Variants in METAP1D observed in about 807,000 individuals in gnomAD.
METAP1D encodes methionine aminopeptidase 1D, mitochondrial.
Under a neutral mutation model 40.5 loss-of-function variants are expected in METAP1D, and 31 were observed. That is an observed-to-expected ratio of 0.77 (90% CI 0.58 to 1.03). The LOEUF (loss-of-function observed/expected upper bound fraction) is 1.03. Among genes scored for constraint, METAP1D ranks in the 50% least tolerant of loss-of-function variants. The pLI is 0.00. For missense variants in METAP1D, 411 were observed against 420.7 expected, an observed-to-expected ratio of 0.98 and a Z score of 0.20; for synonymous variants, 151 against 146.4, an observed-to-expected ratio of 1.03 and a Z score of -0.22.
intron 1 of METAP1D, among the ~76,000 whole-genome samples, chr2:172,038,672 T>C (rs1689449104): frequency 6.6e-6 from 1 of 152,338 alleles, no homozygotes; most frequent in Middle Eastern, 3.4e-3. Context: ...CTTGTAGATC[T>C]TCAGACTTGT....
chr2:172,072,833 C>T (rs1416806999), intron 6 of METAP1D, among the ~76,000 whole-genome samples: 1 of 152,108 alleles, frequency 6.6e-6, no homozygotes, highest in African/African-American at 2.4e-5. Context: ...CTCCAGTAGC[C>T]TTTCTCCATC....
chr2:172,012,431 G>A (rs1230721606), intron 1 of METAP1D, among the ~76,000 whole-genome samples: 1 of 152,154 alleles, frequency 6.6e-6, no homozygotes, highest in Non-Finnish European at 1.5e-5. Context: ...AGATAGCAAC[G>A]TGATGGCTTC....
At chr2:172,046,670 C>T (rs1689770619) in intron 1 of METAP1D, among the ~76,000 whole-genome samples, 1 of 152,116 alleles carries the variant, frequency 6.6e-6, no homozygotes, top group African/African-American at 2.4e-5. Flanking sequence ...ATGGGACTTA[C>T]TGTAAATAGT....
chr2:172,057,240 A>G (rs944656346), intron 1 of METAP1D, among the ~76,000 whole-genome samples: 1 of 152,240 alleles, frequency 6.6e-6, no homozygotes, highest in Admixed American at 6.5e-5. Flanking sequence ...TAGAGCACCT[A>G]GCACTGAGCT....
chr2:172,077,870 G>A lies in METAP1D; in HGVS notation c.778G>A (p.Gly260Arg), dbSNP rs1262207054. The change falls in exon 7 of 10, where the codon GGA (glycine) becomes AGA (arginine). Residue 260 changes from glycine (G) to arginine (R), a missense_variant. Gly to Arg is a moderately radical substitution (Grantham distance 125). Transcript: ENST00000315796. ...ACATGGAATAGGATCTTACTTTCAT[G>A]GACATCCAGAAATTTGGCATCATGG... The part of the protein sequence containing the change: ...VGHGIGSYFH[G>R]HPEIWHHAND... 1.2e-6 allele frequency: 2 copies of A among 1,608,738 alleles called. No individual in the cohort carries two copies. Among genetic ancestry groups the A allele is most frequent in the Middle Eastern group, 1.7e-4 (1 of 6,052 alleles).
Position 172,063,412 on chromosome 2 carries a change from G to A in METAP1D, c.199-299G>A, listed in dbSNP as rs147363411. Among the ~76,000 whole-genome samples the A allele has an allele frequency of 7.3e-3, 1,114 of 152,280 alleles. 16 individuals are homozygous for A. The highest frequency in any genetic ancestry group is 0.023 in the African/African-American group (957 of 41,548). On this transcript the variant is annotated intron_variant, in intron 2 of 9. Coordinates refer to ENST00000315796, the MANE Select transcript of METAP1D (RefSeq NM_199227.3). ...GTGAATATGCTTCTAACTGGGTTGGGAGGAGGAAAAAGAGAAAACTACTGT... is the reference window on the plus strand; with the variant it reads ...GTGAATATGCTTCTAACTGGGTTGGAAGGAGGAAAAAGAGAAAACTACTGT...
chr2:172,026,379 G>A (rs577249750), intron 1 of METAP1D, among the ~76,000 whole-genome samples: 43 of 152,216 alleles, frequency 2.8e-4, no homozygotes, highest in Non-Finnish European at 4.6e-4. Flanking sequence ...CACAGATAGC[G>A]TCTTGTACAT....
Position 172,080,566 on chromosome 2 carries a change from C to A in METAP1D, c.*160C>A. ...GAACGCGGGGGAGACTGAAGAGCAA[C>A]TGGGAACTCGGATCTGAAGCCCTGC... On this transcript the variant is annotated 3_prime_UTR_variant, in exon 10 of 10. Coordinates refer to ENST00000315796, the MANE Select transcript of METAP1D (RefSeq NM_199227.3). The A allele has an allele frequency of 1.4e-6, 1 of 718,282 alleles. No homozygotes were observed. The highest frequency in any genetic ancestry group is 2.5e-5 in the Admixed American group (1 of 40,348). 44.5% of individuals were successfully genotyped at this position (718,282 alleles called of 1,614,324 possible). A position where few individuals can be genotyped will look rare whatever the true frequency, so the allele number is the denominator to read the frequency against.
At chr2:172,076,377 AT>A in intron 6 of METAP1D, among the ~76,000 whole-genome samples, 2 of 152,112 alleles carry the variant, frequency 1.3e-5, no homozygotes, top group Non-Finnish European at 1.5e-5. Flanking sequence ...TCCACCCTGT[AT>A]TCACTCTTCA....
chr2:172,037,165 G>T (rs913167656), intron 1 of METAP1D, among the ~76,000 whole-genome samples: 2 of 152,096 alleles, frequency 1.3e-5, no homozygotes, highest in Non-Finnish European at 2.9e-5. Flanking sequence ...GGGAGGCTGA[G>T]ACAGGAGAAT....
Position 172,079,259 on chromosome 2 carries a change from A to G in METAP1D, c.847A>G (p.Ile283Val), listed in dbSNP as rs763695093. 5 of 1,613,936 alleles carry G rather than the reference A, an allele frequency of 3.1e-6. No homozygotes were observed. The Admixed American group carries it at 6.7e-5, about 22-fold the overall frequency. ...LPMEEGMAFT[I>V]EPIITEGSPE... ...CATGGAGGAGGGCATGGCATTCACT[A>G]TAGGTAAATTGAGCTCCTCTTCCGA... The change falls in exon 8 of 10, where the codon ATA becomes GTA. Residue 283 changes from isoleucine (I) to valine (V), a missense_variant. Physicochemically the swap from Ile to Val is conservative, Grantham distance 29. Coordinates refer to ENST00000315796, the MANE Select transcript of METAP1D (RefSeq NM_199227.3).
chr2:172,063,429 AACT>A (rs926603875), intron 2 of METAP1D, among the ~76,000 whole-genome samples: 2 of 152,150 alleles, frequency 1.3e-5, no homozygotes, highest in African/African-American at 2.4e-5. Flanking sequence ...AAAAAGAGAA[AACT>A]ACTGTTTGTT....
chr2:172,071,143 T>TTGATGAC, intron 6 of METAP1D, 73 bp downstream of exon 6: 2 of 1,315,442 alleles, frequency 1.5e-6, no homozygotes, highest in Non-Finnish European at 2.0e-6. Context: ...TGGTATAAAG[T>TTGATGAC]TGATGACATG....
chr2:172,000,898 G>T (rs1029496617), intron 1 of METAP1D, among the ~76,000 whole-genome samples: 1 of 152,126 alleles, frequency 6.6e-6, no homozygotes, highest in African/African-American at 2.4e-5. Flanking sequence ...CTATTCTGGG[G>T]GTTGAGGTGG....
chr2:172,011,519 C>G (rs1229724134), intron 1 of METAP1D, among the ~76,000 whole-genome samples: 1 of 151,498 alleles, frequency 6.6e-6, no homozygotes, highest in East Asian at 2.0e-4. Flanking sequence ...CTCCTGACCT[C>G]GTGATCCTCC....
chr2:172,075,502 A>C (rs1690519287), intron 6 of METAP1D, among the ~76,000 whole-genome samples: 1 of 152,030 alleles, frequency 6.6e-6, no homozygotes, highest in African/African-American at 2.4e-5. Flanking sequence ...ACATACTCCA[A>C]CTCCCCATGC....
intron 1 of METAP1D, among the ~76,000 whole-genome samples, chr2:172,048,838 C>T (rs370158807): frequency 3.9e-5 from 6 of 152,176 alleles, no homozygotes; most frequent in African/African-American, 1.4e-4. Flanking sequence ...TGTCATTTTA[C>T]TGTGTGAATA....
chr2:172,036,083 C>G (rs918020997), intron 1 of METAP1D, among the ~76,000 whole-genome samples: 1 of 151,994 alleles, frequency 6.6e-6, no homozygotes, highest in Admixed American at 6.5e-5. Flanking sequence ...TTTGGGAGGC[C>G]AAGGTGGGCG....
Position 172,001,031 on chromosome 2 carries a change from A to G in METAP1D, c.40+1022A>G, listed in dbSNP as rs1057359658. ...AACAAAAACAAAAACCCAGTGAGTT[A>G]GGAATTATTTTCTCTTTGCAGAAGG... On this transcript the variant is annotated intron_variant, in intron 1 of 9. Transcript: ENST00000315796. Among the ~76,000 whole-genome samples, 9 of 152,334 alleles carry G rather than the reference A, an allele frequency of 5.9e-5. No homozygotes were observed. In the East Asian group the frequency reaches 1.7e-3, roughly 29 times the overall value.
Sources: allele counts gnomAD v4.1 joint callset (sites outside exome capture counted in the v4.1 genomes callset), GRCh38; gene constraint gnomAD v4.1.1; transcripts MANE v1.5; gene names NCBI Gene and HGNC (gene_info 2026-07-23, HGNC 2026-07-21).